SLC41A3: variants seen among roughly 807,000 people sequenced by gnomAD.
SLC41A3 encodes SLC41A1-like 2.
In SLC41A3, 44 loss-of-function variants were observed where a neutral mutation model predicts 45.4. That is an observed-to-expected ratio of 0.97 (90% CI 0.76 to 1.25). The LOEUF is 1.25. Among genes scored for constraint, SLC41A3 ranks in the 50% most tolerant of loss-of-function variants. SLC41A3 has a pLI of 0.00. For synonymous variants in SLC41A3, 256 were observed against 252.4 expected, an observed-to-expected ratio of 1.01 and a Z score of -0.13; for missense variants, 550 against 600.6, an observed-to-expected ratio of 0.92 and a Z score of 0.88.
chr3:126,088,638 G>C (rs1177336572), upstream of SLC41A3, among the ~76,000 whole-genome samples: 1 of 152,130 alleles, frequency 6.6e-6, no homozygotes, highest in African/African-American at 2.4e-5. Flanking sequence ...AATTAAGCCA[G>C]AGCAACAAAA....
At chr3:126,044,395 A>G (rs1214170267) in intron 3 of SLC41A3, among the ~76,000 whole-genome samples, 1 of 152,236 alleles carries the variant, frequency 6.6e-6, no homozygotes, top group Non-Finnish European at 1.5e-5. Context: ...AATGATGAAT[A>G]CAACAACCAG....
intron 2 of SLC41A3, among the ~76,000 whole-genome samples, chr3:126,053,291 G>A (rs1348809994): frequency 6.6e-6 from 1 of 152,140 alleles, no homozygotes; most frequent in Non-Finnish European, 1.5e-5. Context: ...ATGCACAGAG[G>A]GGAGACCATG....
At chr3:126,050,801 C>T in intron 3 of SLC41A3, 142 bp downstream of exon 3, 6 of 1,361,504 alleles carry the variant, frequency 4.4e-6, no homozygotes, top group Non-Finnish European at 5.7e-6. Context: ...GGACAAGGGA[C>T]AGCATGATGA....
intron 3 of SLC41A3, among the ~76,000 whole-genome samples, chr3:126,035,541 G>A (rs1419379524): frequency 2.0e-5 from 3 of 152,332 alleles, no homozygotes; most frequent in East Asian, 1.9e-4. Flanking sequence ...GAGAAAGAGC[G>A]AAATCAACGC....
chr3:126,072,532 C>T (rs975886794), intron 1 of SLC41A3, among the ~76,000 whole-genome samples: 1 of 152,050 alleles, frequency 6.6e-6, no homozygotes, highest in African/African-American at 2.4e-5. Context: ...CTAAACATAA[C>T]TATAAGAGAA....
At chr3:126,077,118 C>T (rs926677584) in intron 1 of SLC41A3, among the ~76,000 whole-genome samples, 1 of 152,182 alleles carries the variant, frequency 6.6e-6, no homozygotes, top group African/African-American at 2.4e-5. Context: ...ATGCTCATGC[C>T]TGTAATACCA....
intron 4 of SLC41A3, among the ~76,000 whole-genome samples, chr3:126,027,539 T>C (rs541492157): frequency 1.4e-4 from 22 of 152,304 alleles, no homozygotes; most frequent in Admixed American, 7.2e-4. Context: ...TATTTCTTTA[T>C]AGCACTGTGA....
At chr3:126,023,104 C>A (rs1486850409) in intron 5 of SLC41A3, 172 bp from the exon 6 acceptor site, 4 of 840,646 alleles carry the variant, frequency 4.8e-6, no homozygotes, top group Admixed American at 2.8e-5. Context: ...AGCCAGGCTG[C>A]CCTGACTTTC....
chr3:126,010,603 A>G (rs1185599997), intron 9 of SLC41A3, among the ~76,000 whole-genome samples: 1 of 152,228 alleles, frequency 6.6e-6, no homozygotes, highest in African/African-American at 2.4e-5. Context: ...CCACAGGAAA[A>G]ACTGCAGCCC....
At chr3:126,094,632 C>T (rs761154536) in intron 1 of SLC41A3, among the ~76,000 whole-genome samples, 3 of 152,200 alleles carry the variant, frequency 2.0e-5, no homozygotes, top group Admixed American at 6.5e-5. Context: ...TGTTTCTTTA[C>T]TATCCCTTTA....
At chr3:126,018,513 C>A (rs1183922940) in intron 6 of SLC41A3, among the ~76,000 whole-genome samples, 2 of 152,204 alleles carry the variant, frequency 1.3e-5, no homozygotes, top group African/African-American at 4.8e-5. Flanking sequence ...AAAGCTGGGA[C>A]AGAAAGGGTC....
intron 1 of SLC41A3, chr3:126,092,611 G>GCGTCCACA (rs2108132801): frequency 6.5e-6 from 1 of 153,304 alleles, no homozygotes; most frequent in South Asian, 1.8e-4. Context: ...ACGGCAAGTG[G>GCGTCCACA]CGTCCATTGT....
chr3:126,101,148 C>T (rs1226637810), intron 1 of SLC41A3, among the ~76,000 whole-genome samples: 2 of 152,188 alleles, frequency 1.3e-5, no homozygotes, highest in Admixed American at 6.5e-5. Flanking sequence ...TGCCCATCGC[C>T]GTGTCACTGG....
At chr3:126,083,502 G>A (rs905428209) in intron 1 of SLC41A3, among the ~76,000 whole-genome samples, 1 of 152,140 alleles carries the variant, frequency 6.6e-6, no homozygotes, top group Admixed American at 6.5e-5. Flanking sequence ...CTCCCGGCTG[G>A]GCACCCCCAG....
intron 3 of SLC41A3, among the ~76,000 whole-genome samples, chr3:126,036,282 G>C (rs1318397346): frequency 6.6e-6 from 1 of 152,198 alleles, no homozygotes; most frequent in Non-Finnish European, 1.5e-5. Flanking sequence ...GGCCTGTGAG[G>C]CTGCCCTGTA....
intron 2 of SLC41A3, chr3:126,067,644 G>A: frequency 2.0e-6 from 1 of 505,524 alleles, no homozygotes; most frequent in Non-Finnish European, 3.8e-6. Context: ...CTTTGTTATG[G>A]CAGCAGTAGT....
intron 6 of SLC41A3, among the ~76,000 whole-genome samples, chr3:126,021,049 C>T (rs1281895586): frequency 2.0e-5 from 3 of 152,176 alleles, no homozygotes; most frequent in African/African-American, 7.2e-5. Flanking sequence ...CGCCCGCCAC[C>T]ATGCCTTGCT....
chr3:126,010,372 T>G (rs989874084), intron 9 of SLC41A3, among the ~76,000 whole-genome samples: 1 of 152,138 alleles, frequency 6.6e-6, no homozygotes, highest in Non-Finnish European at 1.5e-5. Context: ...CTTGGGAGGC[T>G]GAGGCAGGAG....
intron 2 of SLC41A3, among the ~76,000 whole-genome samples, chr3:126,063,391 G>T (rs1182087640): frequency 1.3e-5 from 2 of 152,100 alleles, no homozygotes; most frequent in Non-Finnish European, 2.9e-5. Context: ...GGGTGCTGCC[G>T]TGTAATATGC....
Sources: gnomAD v4.1 joint callset for allele counts (sites outside exome capture counted in the v4.1 genomes callset) on GRCh38, gnomAD v4.1.1 for gene constraint, MANE v1.5 for transcripts, NCBI Gene and HGNC (gene_info 2026-07-23, HGNC 2026-07-21) for gene names.